ATF2: variants seen among roughly 807,000 people sequenced by gnomAD.
ATF2 encodes activating transcription factor 2.
In ATF2, 24 loss-of-function variants were observed where a neutral mutation model predicts 60.6. That is an observed-to-expected ratio of 0.40 (90% CI 0.29 to 0.56). ATF2 has a LOEUF of 0.56. ATF2 is among the 20% of genes least tolerant of loss of function. ATF2 has a pLI of 0.54. For missense variants in ATF2, 433 were observed against 607.7 expected (o/e 0.71, Z 3.02); for synonymous variants, 206 against 215.4 (o/e 0.96, Z 0.38).
intron 1 of ATF2, among the ~76,000 whole-genome samples, chr2:175,163,139 AT>A (rs1233243660): frequency 1.2e-3 from 13 of 11,098 alleles, no homozygotes; most frequent in Non-Finnish European, 2.0e-3. Context: ...GTCTCAAAAA[AT>A]AAATAAATAA....
intron 2 of ATF2, among the ~76,000 whole-genome samples, chr2:175,150,202 G>C (rs893524803): frequency 3.3e-5 from 5 of 152,102 alleles, no homozygotes; most frequent in African/African-American, 1.2e-4. Context: ...TGTATTGACA[G>C]ATTTAAATTA....
At chr2:175,108,475 C>T (rs71419416) in intron 10 of ATF2, among the ~76,000 whole-genome samples, 27 of 148,252 alleles carry the variant, frequency 1.8e-4, no homozygotes, top group African/African-American at 6.8e-4. Flanking sequence ...GGGGTCAGCC[C>T]CCGCCCGGCC....
chr2:175,108,909 A>T (rs1290412703), intron 10 of ATF2, among the ~76,000 whole-genome samples: 3 of 152,036 alleles, frequency 2.0e-5, no homozygotes, highest in Non-Finnish European at 4.4e-5. Flanking sequence ...TGCTGTGTCC[A>T]CTCAGGGTTA....
chr2:175,148,018 T>C (rs1212506133), intron 2 of ATF2: 3 of 151,894 alleles, frequency 2.0e-5, no homozygotes, highest in Admixed American at 6.6e-5. Flanking sequence ...GAAGTGAGCA[T>C]CAGAGATTCA....
At chr2:175,160,732 A>G (rs768587372) in intron 1 of ATF2, among the ~76,000 whole-genome samples, 1 of 152,068 alleles carries the variant, frequency 6.6e-6, no homozygotes, top group Non-Finnish European at 1.5e-5. Flanking sequence ...GAATGTTTAT[A>G]ATAGGATTGG....
intron 2 of ATF2, among the ~76,000 whole-genome samples, chr2:175,146,171 C>T (rs1432640808): frequency 1.3e-5 from 2 of 152,192 alleles, no homozygotes; most frequent in South Asian, 4.1e-4. Context: ...TATTATATAA[C>T]CCCAAATTGA....
intron 12 of ATF2, among the ~76,000 whole-genome samples, chr2:175,081,910 G>A (rs1198781410): frequency 2.6e-5 from 4 of 152,096 alleles, no homozygotes; most frequent in Admixed American, 2.6e-4. Context: ...AATTAGTTGG[G>A]CGTGGTGGAG....
rs943621501 is a variant in ATF2, at chr2:175,073,696, G to A, written c.*913C>T. ...TTAAATTTTCTAAGTAGTAATTTTA[G>A]GCTTTTCTGGCAACCATACCATACT... On this transcript the variant is annotated 3_prime_UTR_variant, in exon 14 of 14. Coordinates refer to ENST00000264110, the MANE Select transcript of ATF2 (RefSeq NM_001880.4). The A allele has an allele frequency of 6.6e-6, 1 of 151,970 alleles. No individual in the cohort carries two copies. The highest frequency in any genetic ancestry group is 1.5e-5 in the Non-Finnish European group (1 of 67,990). The allele number at this position is 151,970 out of a possible 1,614,324, so 9.4% of individuals were successfully genotyped here.
rs2105514429 is a variant in ATF2 at position 175,074,446 on chromosome 2, T to A, written c.*163A>T. 1 of 768,302 alleles carries A rather than the reference T, an allele frequency of 1.3e-6. No homozygotes were observed. The highest frequency in any genetic ancestry group is 2.9e-5 in the East Asian group (1 of 34,780). 47.6% of individuals were successfully genotyped at this position (768,302 alleles called of 1,614,324 possible). On this transcript the variant is annotated 3_prime_UTR_variant, in exon 14 of 14. Transcript: ENST00000264110. ...CCAGAGACTAAAAACCGTTTTTCAG[T>A]CTGATCAACTGCTGCTACACCAACT...
chr2:175,136,374 T>TA (rs1559102329), intron 3 of ATF2, 38 bp downstream of exon 3: 5 of 1,596,224 alleles, frequency 3.1e-6, no homozygotes, highest in Non-Finnish European at 4.3e-6. Flanking sequence ...ACCCAAAATG[T>TA]AAAAAATGGC....
chr2:175,149,494 C>G (rs1173772859), intron 2 of ATF2, among the ~76,000 whole-genome samples: 1 of 152,176 alleles, frequency 6.6e-6, no homozygotes, highest in African/African-American at 2.4e-5. Context: ...AGAAGATGGG[C>G]AGCACACTAT....
At chr2:175,078,587 C>T (rs533275244) in intron 13 of ATF2, among the ~76,000 whole-genome samples, 1 of 152,228 alleles carries the variant, frequency 6.6e-6, no homozygotes, top group East Asian at 1.9e-4. Flanking sequence ...GCGGGACAGA[C>T]CCTATGGCTG....
intron 12 of ATF2, 48 bp downstream of exon 12, chr2:175,093,013 C>T: frequency 1.3e-6 from 2 of 1,579,874 alleles, no homozygotes; most frequent in East Asian, 2.2e-5. Context: ...TCTATGTTCA[C>T]AATTATTAAA....
At chr2:175,100,601 G>T (rs1274574080) in intron 10 of ATF2, among the ~76,000 whole-genome samples, 1 of 152,196 alleles carries the variant, frequency 6.6e-6, no homozygotes, top group East Asian at 1.9e-4. Context: ...AGAAATCAAT[G>T]TACTTTATGT....
At chr2:175,107,758 G>A (rs952787031) in intron 10 of ATF2, among the ~76,000 whole-genome samples, 9 of 152,328 alleles carry the variant, frequency 5.9e-5, no homozygotes, top group African/African-American at 2.2e-4. Flanking sequence ...TGGTGGAGAC[G>A]GGGTTTCGCT....
At chr2:175,106,769 G>A (rs944855632) in intron 10 of ATF2, among the ~76,000 whole-genome samples, 11 of 152,198 alleles carry the variant, frequency 7.2e-5, no homozygotes, top group African/African-American at 2.4e-4. Context: ...CCTGGAGGCA[G>A]AGGTTGCAGT....
Position 175,097,607 on chromosome 2 carries a change from AC to A in ATF2, c.829-15del. 1 of 1,612,156 alleles carries A rather than the reference AC, an allele frequency of 6.2e-7. No individual in the cohort carries two copies. The highest frequency in any genetic ancestry group is 1.1e-5 in the South Asian group (1 of 90,676). The stretch of plus-strand genomic sequence containing the variant: ...AGCTTTTAATCTCTGCAATGCAAAC[AC>A]CATTAAAAATTTTTTTTAAGTCCTT... On this transcript the variant is annotated splice_polypyrimidine_tract_variant and intron_variant, in intron 10 of 13. Coordinates refer to ENST00000264110, the MANE Select transcript of ATF2 (RefSeq NM_001880.4).
At chr2:175,107,715 G>C (rs993447503) in intron 10 of ATF2, among the ~76,000 whole-genome samples, 1 of 152,218 alleles carries the variant, frequency 6.6e-6, no homozygotes, top group Non-Finnish European at 1.5e-5. Flanking sequence ...GCAGGCGCGC[G>C]CCGCCACGCC....
rs113512852 is a variant in ATF2 at position 175,092,992 on chromosome 2, G to GA, written c.1185+68dup. 4.1e-3 allele frequency: 5,957 copies of GA among 1,437,384 alleles called. 41 individuals are homozygous for GA. Among genetic ancestry groups the GA allele is most frequent in the African/African-American group, 0.039 (2,681 of 68,894 alleles). The allele number at this position is 1,437,384 out of a possible 1,614,324, so 89.0% of individuals were successfully genotyped here. A position where few individuals can be genotyped will look rare whatever the true frequency, so the allele number is the denominator to read the frequency against. ...CTAAAATGTTTGGAGGCCCAACTAG[G>GA]AAAAAAAAAATCTATGTTCACAATT... On this transcript the variant is annotated intron_variant, in intron 12 of 13. Coordinates refer to ENST00000264110, the MANE Select transcript of ATF2 (RefSeq NM_001880.4).
Sources: allele counts gnomAD v4.1 joint callset (sites outside exome capture counted in the v4.1 genomes callset), GRCh38; gene constraint gnomAD v4.1.1; transcripts MANE v1.5; gene names NCBI Gene and HGNC (gene_info 2026-07-23, HGNC 2026-07-21).